Variants in DLG2 observed in about 807,000 individuals in gnomAD.
DLG2 encodes the protein discs large MAGUK scaffold protein 2.
DLG2 carries 45 observed loss-of-function variants against 132.5 expected under a neutral mutation model. The observed-to-expected ratio is 0.34, with a 90% CI of 0.27 to 0.44. DLG2 has a LOEUF of 0.44. Ranked by LOEUF, DLG2 falls within the 20% of genes least tolerant of loss-of-function variation. The pLI, the probability that DLG2 is intolerant of heterozygous loss-of-function variation, is 1.00. For synonymous variants in DLG2, 424 were observed against 419.6 expected, an observed-to-expected ratio of 1.01 and a Z score of -0.13; for missense variants, 1,045 against 1,196.9, an observed-to-expected ratio of 0.87 and a Z score of 1.87.
chr11:85,208,242 A>G (rs183951209), intron 4 of DLG2, among the ~76,000 whole-genome samples: 1 of 152,314 alleles, frequency 6.6e-6, no homozygotes, highest in East Asian at 1.9e-4. Context: ...TCCAAAGCCC[A>G]GAATATTTTC....
intron 3 of DLG2, among the ~76,000 whole-genome samples, chr11:85,438,271 A>G (rs1166988266): frequency 1.3e-5 from 2 of 152,184 alleles, no homozygotes; most frequent in Non-Finnish European, 2.9e-5. Flanking sequence ...CTCCACCTGC[A>G]ACATTGGGAA....
intron 4 of DLG2, among the ~76,000 whole-genome samples, chr11:85,221,257 C>G (rs2074623395): frequency 6.6e-6 from 1 of 151,958 alleles, no homozygotes; most frequent in Non-Finnish European, 1.5e-5. Context: ...AGGATGGTCT[C>G]AATCTCCTGA....
intron 20 of DLG2, among the ~76,000 whole-genome samples, chr11:83,538,370 C>G (rs1470407980): frequency 6.6e-6 from 1 of 152,196 alleles, no homozygotes; most frequent in Non-Finnish European, 1.5e-5. Context: ...AGAAGAGCCC[C>G]AAACCTTTGC....
At chr11:83,528,834 T>C (rs1480484529) in intron 21 of DLG2, among the ~76,000 whole-genome samples, 2 of 152,168 alleles carry the variant, frequency 1.3e-5, no homozygotes, top group Non-Finnish European at 2.9e-5. Context: ...TATTTCTCTT[T>C]TTGAGCCTGC....
At chr11:85,574,424 C>CAA (rs781533239) in intron 3 of DLG2, among the ~76,000 whole-genome samples, 4 of 116,572 alleles carry the variant, frequency 3.4e-5, no homozygotes, top group Non-Finnish European at 3.7e-5. Flanking sequence ...GCTGCTCAGG[C>CAA]AAAAAAAAAA....
chr11:85,270,811 T>C (rs188088230), intron 4 of DLG2, among the ~76,000 whole-genome samples: 36 of 152,304 alleles, frequency 2.4e-4, no homozygotes, highest in African/African-American at 8.4e-4. Context: ...ACAGATGATT[T>C]AGGGCATCTG....
chr11:85,499,301 G>C (rs962382602), intron 3 of DLG2, among the ~76,000 whole-genome samples: 47 of 152,120 alleles, frequency 3.1e-4, no homozygotes, highest in African/African-American at 1.1e-3. Context: ...ACTACCATCA[G>C]AGAATACTAT....
At chr11:85,135,649 C>T (rs960239440) in intron 5 of DLG2, among the ~76,000 whole-genome samples, 1 of 152,134 alleles carries the variant, frequency 6.6e-6, no homozygotes, top group Non-Finnish European at 1.5e-5. Context: ...AAGTCATTCA[C>T]CTGACACATG....
At position 84,059,140 on chromosome 11, in the gene DLG2, T is replaced by C. The variant is rs144746014; in HGVS notation, c.919+175A>G. On this transcript the variant is annotated intron_variant, in intron 11 of 27. Coordinates refer to ENST00000376104, the MANE Select transcript of DLG2 (RefSeq NM_001142699.3). ...TCTACTCTTTCCTTCTTATCTGAGT[T>C]CATATTTAGAGTACTGGTTTCCTTT... 5.1e-4 allele frequency among the ~76,000 whole-genome samples: 77 copies of C among 152,248 alleles called. No individual in the cohort carries two copies. The East Asian group carries it at 0.011, about 23-fold the overall frequency.
chr11:84,209,568 C>A (rs772530474), intron 8 of DLG2, among the ~76,000 whole-genome samples: 2 of 151,718 alleles, frequency 1.3e-5, no homozygotes, highest in African/African-American at 2.4e-5. Flanking sequence ...TAAAGAAATT[C>A]TCTTTCCTAT....
At chr11:83,808,510 G>A (rs2046477682) in intron 17 of DLG2, among the ~76,000 whole-genome samples, 1 of 152,122 alleles carries the variant, frequency 6.6e-6, no homozygotes, top group South Asian at 2.1e-4. Flanking sequence ...TGAAACAGAG[G>A]ACCTGGAACT....
At chr11:84,847,047 G>A (rs1056759408) in intron 6 of DLG2, among the ~76,000 whole-genome samples, 11 of 152,040 alleles carry the variant, frequency 7.2e-5, no homozygotes, top group Non-Finnish European at 1.6e-4. Context: ...TCTTGGCTGA[G>A]CCTACTTAAC....
chr11:85,262,033 G>A lies in DLG2; in HGVS notation c.186+23187C>T, dbSNP rs543477131. Among the ~76,000 whole-genome samples the A allele has an allele frequency of 2.6e-5, 4 of 152,222 alleles. 1 individual carries two copies. Among genetic ancestry groups the A allele is most frequent in the Admixed American group, 6.5e-5 (1 of 15,294 alleles). On this transcript the variant is annotated intron_variant, in intron 4 of 27. Coordinates refer to ENST00000376104, the MANE Select transcript of DLG2 (RefSeq NM_001142699.3). ...AGTCACTGAGGCTAGAGAATTTGGC[G>A]AGGCACATTTGACAGGTTTGGCAGA...
intron 3 of DLG2, among the ~76,000 whole-genome samples, chr11:85,305,074 G>C (rs1282125607): frequency 1.3e-5 from 2 of 152,164 alleles, no homozygotes; most frequent in Admixed American, 6.5e-5. Context: ...ATTGTGCTAG[G>C]TATTAGGGAA....
intron 3 of DLG2, among the ~76,000 whole-genome samples, chr11:85,504,134 T>C (rs969867123): frequency 1.3e-5 from 2 of 152,232 alleles, no homozygotes; most frequent in Non-Finnish European, 2.9e-5. Context: ...ATGGGTAGAT[T>C]GCAAAAATTT....
intron 18 of DLG2, among the ~76,000 whole-genome samples, chr11:83,742,210 AAC>A (rs67195725): frequency 0.024 from 3,460 of 146,938 alleles, 32 homozygotes; most frequent in South Asian, 0.039. Context: ...CCACACTTTT[AAC>A]ACACACACAC....
At chr11:84,725,200 A>G (rs543021311) in intron 6 of DLG2, among the ~76,000 whole-genome samples, 2 of 152,276 alleles carry the variant, frequency 1.3e-5, no homozygotes, top group Non-Finnish European at 1.5e-5. Flanking sequence ...CCCAGCTATC[A>G]CTAATAGCTA....
intron 11 of DLG2, among the ~76,000 whole-genome samples, chr11:84,049,715 G>A (rs568560571): frequency 6.6e-6 from 1 of 151,836 alleles, no homozygotes; most frequent in Non-Finnish European, 1.5e-5. Context: ...CCTTAATCTG[G>A]GTTGTTGATA....
chr11:84,581,910 A>T (rs10898269), intron 6 of DLG2, among the ~76,000 whole-genome samples: 1 of 145,568 alleles, frequency 6.9e-6, no homozygotes. Flanking sequence ...GGTCTCAAAA[A>T]CCAAAAAAAA....
Sources: gnomAD v4.1 joint callset for allele counts (sites outside exome capture counted in the v4.1 genomes callset) on GRCh38, gnomAD v4.1.1 for gene constraint, MANE v1.5 for transcripts, NCBI Gene and HGNC (gene_info 2026-07-23, HGNC 2026-07-21) for gene names.